The following TRIM10 variants were observed in gnomAD, a reference collection of about 807,000 sequenced individuals.
TRIM10 encodes the protein tripartite motif-containing protein 10.
In TRIM10, 42 loss-of-function variants were observed where a neutral mutation model predicts 40.0. The observed-to-expected ratio is 1.05, with a 90% CI of 0.82 to 1.36. The LOEUF is 1.36. TRIM10 is among the 40% of genes most tolerant of loss of function. TRIM10 has a pLI of 0.00. For missense variants in TRIM10, 601 were observed against 608.3 expected, an observed-to-expected ratio of 0.99 and a Z score of 0.13; for synonymous variants, 260 against 239.5, an observed-to-expected ratio of 1.09 and a Z score of -0.79.
chr6:30,158,331 T>C, intron 3 of TRIM10, 68 bp downstream of exon 3: 1 of 1,363,934 alleles, frequency 7.3e-7, no homozygotes, highest in Non-Finnish European at 1.0e-6. Flanking sequence ...AGACATGGCT[T>C]AGGCAAGACA....
In TRIM10 at chr6:30,160,863, G is replaced by A. The variant is rs375102942; in HGVS notation, c.-5C>T. 15 of 1,600,948 alleles carry A rather than the reference G, an allele frequency of 9.4e-6. No homozygotes were observed. The African/African-American group carries it at 1.9e-4, about 20-fold the overall frequency. The stretch of plus-strand genomic sequence containing the variant: ...CACAGAGGCAGCAGAGGCCATGCTG[G>A]TCCTGCTGCTATGGCTTCCTCAAGG... On this transcript the variant is annotated 5_prime_UTR_variant, in exon 1 of 7. Transcript: ENST00000449742.
At position 30,154,404 on chromosome 6, in the gene TRIM10, T is replaced by C. The variant is rs1174580396; in HGVS notation, c.1011A>G (p.Lys337=). The C allele has an allele frequency of 3.7e-6, 6 of 1,612,838 alleles. No homozygotes were observed. Among genetic ancestry groups the C allele is most frequent in the Non-Finnish European group, 5.1e-6 (6 of 1,179,968 alleles). ...GGGGGTTGTCTGGTGAGTTCTGCCA[T>C]TTGTAGGAGAACTGAGCTCGCTGGT... The part of the protein sequence containing the change: ...EDHQRAQFSY[K]WQNSPDNPQR... The change falls in exon 7 of 7, where the codon AAA becomes AAG. Residue 337 remains lysine (K), a synonymous_variant. Transcript: ENST00000449742.
intron 6 of TRIM10, 110 bp from the exon 7 acceptor site, chr6:30,154,596 CAT>C (rs1562116048): frequency 7.2e-7 from 1 of 1,395,570 alleles, no homozygotes; most frequent in African/African-American, 1.4e-5. Flanking sequence ...TTACCAAAAA[CAT>C]GTATAGTGCC....
rs1772145416 is a variant in TRIM10 at position 30,152,909 on chromosome 6, G to A, written c.*1060C>T. ...CCTCCTTCTGGAATTCTTTTACCTA[G>A]CAGTTTCTGAGCCCACAGCTGAGCT... On this transcript the variant is annotated 3_prime_UTR_variant, in exon 7 of 7. Coordinates refer to ENST00000449742, the MANE Select transcript of TRIM10 (RefSeq NM_006778.4). The A allele has an allele frequency of 6.6e-6, 1 of 152,132 alleles. No individual in the cohort carries two copies. The highest frequency in any genetic ancestry group is 2.4e-5 in the African/African-American group (1 of 41,406). The allele number at this position is 152,132 out of a possible 1,614,324, so 9.4% of individuals were successfully genotyped here. A position where few individuals can be genotyped will look rare whatever the true frequency, so the allele number is the denominator to read the frequency against.
Position 30,152,240 on chromosome 6 carries a change from G to A in TRIM10, c.*1729C>T, listed in dbSNP as rs1329802994. 1 of 152,088 alleles carries A rather than the reference G, an allele frequency of 6.6e-6. No homozygotes were observed. The highest frequency in any genetic ancestry group is 1.5e-5 in the Non-Finnish European group (1 of 68,024). 9.4% of individuals were successfully genotyped at this position (152,088 alleles called of 1,614,324 possible). On this transcript the variant is annotated 3_prime_UTR_variant, in exon 7 of 7. Coordinates refer to ENST00000449742, the MANE Select transcript of TRIM10 (RefSeq NM_006778.4). ...CGTTACCAAGATAAAGTGACACAAGGTGTGTAAAGCTCCCGAGCTGCAAGC... is the reference window on the plus strand; with the variant it reads ...CGTTACCAAGATAAAGTGACACAAGATGTGTAAAGCTCCCGAGCTGCAAGC...
At position 30,153,825 on chromosome 6, in the gene TRIM10, C is replaced by A. The variant is rs768564482; in HGVS notation, c.*144G>T. ...TAGATTGAGAGTCCTCTCTTCTATC[C>A]CTTACCACCCGGCCCCATCCCATCT... On this transcript the variant is annotated 3_prime_UTR_variant, in exon 7 of 7. Coordinates refer to ENST00000449742, the MANE Select transcript of TRIM10 (RefSeq NM_006778.4). 9 of 1,611,308 alleles carry A rather than the reference C, an allele frequency of 5.6e-6. No homozygotes were observed. The African/African-American group carries it at 1.2e-4, about 22-fold the overall frequency.
At position 30,155,532 on chromosome 6, in the gene TRIM10, A is replaced by ACACAC. The variant is rs1554187866; in HGVS notation, c.928+194_928+195insGTGTG. Among the ~76,000 whole-genome samples, 361 of 152,220 alleles carry ACACAC rather than the reference A, an allele frequency of 2.4e-3. 3 individuals carry two copies. Among genetic ancestry groups the ACACAC allele is most frequent in the Middle Eastern group, 0.01 (3 of 292 alleles). On this transcript the variant is annotated intron_variant, in intron 6 of 6. Coordinates refer to ENST00000449742, the MANE Select transcript of TRIM10 (RefSeq NM_006778.4). ...AACAATGTGACACACACACACACAC[A>ACACAC]ACCTATATATACACACATGTATTAT...
At chr6:30,157,082 G>C (rs1277452823) in intron 4 of TRIM10, 28 bp from the exon 5 acceptor site, 1 of 1,601,070 alleles carries the variant, frequency 6.2e-7, no homozygotes, top group South Asian at 1.1e-5. Context: ...GCTGGGTCTG[G>C]GAATTATCAT....
At chr6:30,157,519 T>C (rs1338926049) in intron 3 of TRIM10, 128 bp from the exon 4 acceptor site, 1 of 996,874 alleles carries the variant, frequency 1.0e-6, no homozygotes, top group Non-Finnish European at 1.5e-6. Flanking sequence ...AGGGTCTCAC[T>C]CTGGTGCCCA....
rs80025116 is a variant in TRIM10, at chr6:30,154,044, A to G, written c.1371T>C (p.Thr457=). The G allele has an allele frequency of 0.01, 16,152 of 1,612,266 alleles. 880 individuals are homozygous for G. In the Admixed American group the frequency reaches 0.11, roughly 11 times the overall value. ...GAATGACCTTCCTAGTGAAGGAGGC[A>G]GTGAAGGTGTAGATGGGCTCTCGGG... ...AVTREPIYTF[T]ASFTRKVIPF... The change falls in exon 7 of 7, where the codon ACT becomes ACC. Residue 457 remains threonine (T), a synonymous_variant. Coordinates refer to ENST00000449742, the MANE Select transcript of TRIM10 (RefSeq NM_006778.4).
chr6:30,157,228 G>T, intron 4 of TRIM10, 141 bp downstream of exon 4: 1 of 1,093,478 alleles, frequency 9.1e-7, no homozygotes. Context: ...ACCTGAGAAG[G>T]CATTTGGGTA....
At chr6:30,157,233 T>C (rs922126771) in intron 4 of TRIM10, 136 bp downstream of exon 4, 17 of 1,110,634 alleles carry the variant, frequency 1.5e-5, no homozygotes, top group Non-Finnish European at 2.0e-5. Flanking sequence ...AGAAGGCATT[T>C]GGGTATATAG....
chr6:30,159,335 TG>T (rs781369007), intron 1 of TRIM10, 90 bp from the exon 2 acceptor site: 11 of 893,540 alleles, frequency 1.2e-5, no homozygotes, highest in Non-Finnish European at 2.0e-5. Flanking sequence ...AGGAATGAAA[TG>T]GCCCCAGGAG....
intron 1 of TRIM10, 114 bp downstream of exon 1, chr6:30,160,316 A>T (rs1325764930): frequency 2.5e-5 from 29 of 1,159,474 alleles, no homozygotes; most frequent in Non-Finnish European, 3.5e-5. Flanking sequence ...CTGGGTGATC[A>T]TGTAAGTAAG....
chr6:30,157,192 G>T, intron 4 of TRIM10, 138 bp from the exon 5 acceptor site: 1 of 1,131,274 alleles, frequency 8.8e-7, no homozygotes, highest in Non-Finnish European at 1.3e-6. Flanking sequence ...GAATCCCACT[G>T]CCCATTTTTG....
At position 30,156,975 on chromosome 6, in the gene TRIM10, C is replaced by T; in HGVS notation, c.859G>A (p.Ala287Thr). The T allele has an allele frequency of 6.2e-7, 1 of 1,613,078 alleles. No individual in the cohort carries two copies. Among genetic ancestry groups the T allele is most frequent in the Non-Finnish European group, 8.5e-7 (1 of 1,180,018 alleles). The part of the protein sequence containing the change: ...GQRIRDFPQQ[A>T]LPLQREMKMF... ...TTCATCTCCCTCTGCAGCGGGAGGG[C>T]CTGCTGGGGAAAGTCCCGAATCCTC... Residue 287 changes from alanine (A) to threonine (T), a missense_variant, in exon 5 of 7, where the codon GCC becomes ACC. Coordinates refer to ENST00000449742, the MANE Select transcript of TRIM10 (RefSeq NM_006778.4).
intron 3 of TRIM10, 85 bp downstream of exon 3, chr6:30,158,314 G>T: frequency 8.7e-7 from 1 of 1,152,514 alleles, no homozygotes; most frequent in Non-Finnish European, 1.3e-6. Context: ...AGATGTGTGA[G>T]TCAGGGAGAC....
chr6:30,157,426 G>C lies in TRIM10; in HGVS notation c.757-35C>G, dbSNP rs377358907. On this transcript the variant is annotated intron_variant, in intron 3 of 6. Coordinates refer to ENST00000449742, the MANE Select transcript of TRIM10 (RefSeq NM_006778.4). ...AGAGATACCAGAAATTCAGTTTCCA[G>C]CTTCTCCTTTCCATTTTTCTTTCCT... 1.0e-5 allele frequency: 16 copies of C among 1,575,230 alleles called. No individual in the cohort carries two copies. In the African/African-American group the frequency reaches 2.2e-4, roughly 22 times the overall value.
In TRIM10 at chr6:30,152,420, T is replaced by C. The variant is rs1301895505; in HGVS notation, c.*1549A>G. The C allele has an allele frequency of 6.6e-6, 1 of 152,268 alleles. No homozygotes were observed. The highest frequency in any genetic ancestry group is 1.5e-5 in the Non-Finnish European group (1 of 68,048). The allele number at this position is 152,268 out of a possible 1,614,324, so 9.4% of individuals were successfully genotyped here. On this transcript the variant is annotated 3_prime_UTR_variant, in exon 7 of 7. Transcript: ENST00000449742. ...TTATCATTATATAGGCACTTGTGTGTGTCTGTATTTTTTTGAATATACAAC... is the reference window on the plus strand; with the variant it reads ...TTATCATTATATAGGCACTTGTGTGCGTCTGTATTTTTTTGAATATACAAC...
Sources: allele counts gnomAD v4.1 joint callset (sites outside exome capture counted in the v4.1 genomes callset), GRCh38; gene constraint gnomAD v4.1.1; transcripts MANE v1.5; gene names NCBI Gene and HGNC (gene_info 2026-07-23, HGNC 2026-07-21).